CACNA1G: variants seen among roughly 807,000 people sequenced by gnomAD.
CACNA1G encodes calcium voltage-gated channel subunit alpha1 G.
In CACNA1G, 67 loss-of-function variants were observed where a neutral mutation model predicts 219.4. The observed-to-expected ratio is 0.31, with a 90% CI of 0.25 to 0.37. CACNA1G has a LOEUF of 0.37. Ranked by LOEUF, CACNA1G falls within the 10% of genes least tolerant of loss-of-function variation. The pLI is 1.00. For synonymous variants in CACNA1G, 1,296 were observed against 1,345.3 expected, an observed-to-expected ratio of 0.96 and a Z score of 0.80; for missense variants, 2,380 against 3,231.4, an observed-to-expected ratio of 0.74 and a Z score of 6.39.
chr17:50,596,353 G>A lies in CACNA1G; in HGVS notation c.2980-209G>A, dbSNP rs537475581. Reference sequence around the variant, plus strand: ...CATAAGCTGTGGCCTTTTCTGAGGTGTGGCTGGAGAGGCAGAGGTGGTGGG... The same window carrying A: ...CATAAGCTGTGGCCTTTTCTGAGGTATGGCTGGAGAGGCAGAGGTGGTGGG... On this transcript the variant is annotated intron_variant, in intron 14 of 37. Coordinates refer to ENST00000359106, the MANE Select transcript of CACNA1G (RefSeq NM_018896.5). The surrounding 1 kb of genome is among the most constrained non-coding windows in gnomAD (Gnocchi z 4.8). Among the ~76,000 whole-genome samples the A allele has an allele frequency of 6.6e-6, 1 of 152,320 alleles. No individual in the cohort carries two copies. The highest frequency in any genetic ancestry group is 2.1e-4 in the South Asian group (1 of 4,828).
At chr17:50,619,606 C>G (rs537474057) in intron 33 of CACNA1G, 77 bp from the exon 34 acceptor site, 1 of 1,410,296 alleles carries the variant, frequency 7.1e-7, no homozygotes, top group South Asian at 1.3e-5. Context: ...CAATCCCCTT[C>G]CACGACACTT....
intron 23 of CACNA1G, chr17:50,606,313 C>A: frequency 1.5e-6 from 1 of 668,444 alleles, no homozygotes; most frequent in Non-Finnish European, 2.8e-6. Context: ...GAGCAGGAAG[C>A]ACACGTGGCA....
chr17:50,598,164 A>AT (rs2045936106), intron 16 of CACNA1G, among the ~76,000 whole-genome samples: 1 of 152,142 alleles, frequency 6.6e-6, no homozygotes. Context: ...ATTAGCTGAG[A>AT]TTATAGGCAT....
chr17:50,609,409 C>A (rs1468111872), intron 25 of CACNA1G, among the ~76,000 whole-genome samples: 1 of 152,182 alleles, frequency 6.6e-6, no homozygotes, highest in Non-Finnish European at 1.5e-5. Context: ...GGTTCGGCTT[C>A]CCTGTGGATA....
At chr17:50,585,073 G>T (rs1235145962) in intron 9 of CACNA1G, among the ~76,000 whole-genome samples, 1 of 152,154 alleles carries the variant, frequency 6.6e-6, no homozygotes, top group Non-Finnish European at 1.5e-5. Context: ...CCTTTATGTG[G>T]CCTACTGTGG....
Position 50,627,254 on chromosome 17 carries a change from A to G in CACNA1G, c.*503A>G, listed in dbSNP as rs745690146. The stretch of plus-strand genomic sequence containing the variant: ...GGGACCGCGAGCACATTGCAGCCCC[A>G]ACGGTGGCCCATCTTCAGCGGAGAG... On this transcript the variant is annotated 3_prime_UTR_variant, in exon 38 of 38. Transcript: ENST00000359106. 4.4e-6 allele frequency: 2 copies of G among 453,884 alleles called. No individual in the cohort carries two copies. The highest frequency in any genetic ancestry group is 1.6e-5 in the South Asian group (1 of 64,456). The allele number at this position is 453,884 out of a possible 1,614,324, so 28.1% of individuals were successfully genotyped here.
At chr17:50,601,721 G>T (rs564337918) in intron 19 of CACNA1G, among the ~76,000 whole-genome samples, 13 of 152,308 alleles carry the variant, frequency 8.5e-5, no homozygotes, top group African/African-American at 3.1e-4. Flanking sequence ...AACCCCTTCA[G>T]GGTGGGCCCA....
At chr17:50,583,239 G>T (rs1254365775) in intron 9 of CACNA1G, among the ~76,000 whole-genome samples, 1 of 152,246 alleles carries the variant, frequency 6.6e-6, no homozygotes, top group East Asian at 1.9e-4. Flanking sequence ...GCAGAGCTTT[G>T]GGGGATGATC....
rs764908108 is a variant in CACNA1G, at chr17:50,615,529, C to G, written c.4911+17C>G. 8.1e-6 allele frequency: 13 copies of G among 1,609,068 alleles called. No individual in the cohort carries two copies. The highest frequency in any genetic ancestry group is 9.3e-6 in the Non-Finnish European group (11 of 1,176,726). On this transcript the variant is annotated intron_variant, in intron 27 of 37. Coordinates refer to ENST00000359106, the MANE Select transcript of CACNA1G (RefSeq NM_018896.5). Reference sequence around the variant, plus strand: ...CAGCCCCAGGTAGGAGCGAGTGGACCAGCCATCTGGCCCCCCCACCTCCAG... The same window carrying G: ...CAGCCCCAGGTAGGAGCGAGTGGACGAGCCATCTGGCCCCCCCACCTCCAG...
Position 50,572,698 on chromosome 17 carries a change from T to C in CACNA1G, c.891T>C (p.Pro297=). Residue 297 remains proline, a synonymous_variant, in exon 6 of 38, where the codon CCT becomes CCC. Coordinates refer to ENST00000359106, the MANE Select transcript of CACNA1G (RefSeq NM_018896.5). ...GCGGGGACGGGGGCGGTGGCCCACC[T>C]TGCGGTCTGGACTATGAGGCCTACA... The part of the protein sequence containing the change: ...TLRGDGGGGP[P]CGLDYEAYNS... The C allele has an allele frequency of 6.2e-7, 1 of 1,613,540 alleles. No individual in the cohort carries two copies. Among genetic ancestry groups the C allele is most frequent in the Non-Finnish European group, 8.5e-7 (1 of 1,179,706 alleles).
chr17:50,562,494 C>A (rs2144243892), intron 1 of CACNA1G, among the ~76,000 whole-genome samples: 1 of 152,256 alleles, frequency 6.6e-6, no homozygotes, highest in African/African-American at 2.4e-5. Flanking sequence ...CCTACCCGAT[C>A]TCCATTCGAT....
At chr17:50,613,769 C>T (rs1484340214) in intron 26 of CACNA1G, among the ~76,000 whole-genome samples, 1 of 152,232 alleles carries the variant, frequency 6.6e-6, no homozygotes, top group Admixed American at 6.5e-5. Context: ...CAATGCAGGG[C>T]GACTAGCGCC....
chr17:50,606,090 G>C, intron 23 of CACNA1G, 67 bp downstream of exon 23: 1 of 1,603,392 alleles, frequency 6.2e-7, no homozygotes, highest in East Asian at 2.2e-5. Context: ...GCCATGCTTA[G>C]TGATACCTGC....
chr17:50,564,896 G>A (rs1041624722), intron 1 of CACNA1G, among the ~76,000 whole-genome samples: 7 of 152,156 alleles, frequency 4.6e-5, no homozygotes, highest in Admixed American at 2.0e-4. Flanking sequence ...TTCTGCCCCA[G>A]GCCCACTTTC....
At chr17:50,602,733 G>T in intron 19 of CACNA1G, 87 bp from the exon 20 acceptor site, 1 of 1,132,994 alleles carries the variant, frequency 8.8e-7, no homozygotes, top group Non-Finnish European at 1.3e-6. Flanking sequence ...AATGTTAGAA[G>T]CAGGTTTTGA....
intron 19 of CACNA1G, among the ~76,000 whole-genome samples, chr17:50,602,449 G>A (rs977991490): frequency 1.8e-4 from 27 of 152,246 alleles, no homozygotes; most frequent in African/African-American, 6.0e-4. Context: ...GGGATGGCAG[G>A]CAAGGGTCAG....
chr17:50,624,111 A>C (rs2052986742), intron 36 of CACNA1G, 36 bp downstream of exon 36: 1 of 1,596,656 alleles, frequency 6.3e-7, no homozygotes, highest in African/African-American at 1.3e-5. Flanking sequence ...TGGCTCACAC[A>C]GGGAGATTCC....
chr17:50,594,862 G>A (rs1040879442), intron 13 of CACNA1G, 131 bp from the exon 14 acceptor site: 16 of 624,272 alleles, frequency 2.6e-5, no homozygotes, highest in Admixed American at 9.5e-5. Flanking sequence ...CCCATTCCCC[G>A]TGTCTCTCAG....
intron 24 of CACNA1G, 43 bp from the exon 25 acceptor site, chr17:50,607,784 C>G (rs369264068): frequency 3.1e-5 from 49 of 1,576,804 alleles, no homozygotes; most frequent in Non-Finnish European, 3.9e-5. Flanking sequence ...GACAGCTTGC[C>G]CTCGGGCTGA....
Sources: allele counts gnomAD v4.1 joint callset (sites outside exome capture counted in the v4.1 genomes callset), GRCh38; gene constraint gnomAD v4.1.1; non-coding constraint Gnocchi (gnomAD v3.1); transcripts MANE v1.5; gene names NCBI Gene and HGNC (gene_info 2026-07-23, HGNC 2026-07-21).